PDE4D: variants seen among roughly 807,000 people sequenced by gnomAD.
The protein encoded by PDE4D is phosphodiesterase 4D, also known as 3',5'-cyclic-AMP phosphodiesterase 4D.
Under a neutral mutation model 87.4 loss-of-function variants are expected in PDE4D, and 24 were observed. The ratio of observed to expected loss-of-function variants is 0.27; its 90% confidence interval spans 0.20 to 0.39. PDE4D has a LOEUF of 0.39. PDE4D is among the 10% of genes least tolerant of loss of function. The probability of loss-of-function intolerance (pLI) is 1.00; values close to 1 mark genes in which losing one functional copy is unlikely to be tolerated. For synonymous variants in PDE4D, 384 were observed against 383.2 expected, an observed-to-expected ratio of 1.00 and a Z score of -0.02; for missense variants, 714 against 1,041.0, an observed-to-expected ratio of 0.69 and a Z score of 4.32.
chr5:58,987,933 A>G (rs1474826525), intron 11 of PDE4D, among the ~76,000 whole-genome samples: 1 of 151,940 alleles, frequency 6.6e-6, no homozygotes, highest in African/African-American at 2.4e-5. Context: ...AACAGTCTCT[A>G]CTATTCCTTA....
At chr5:59,521,758 G>A (rs1291472297) in intron 1 of PDE4D, among the ~76,000 whole-genome samples, 1 of 152,060 alleles carries the variant, frequency 6.6e-6, no homozygotes, top group Non-Finnish European at 1.5e-5. Context: ...TTAAGTTTAT[G>A]TCCTCTTCTT....
intron 1 of PDE4D, among the ~76,000 whole-genome samples, chr5:60,202,416 C>G (rs1326313510): frequency 6.6e-6 from 1 of 152,124 alleles, no homozygotes; most frequent in Admixed American, 6.5e-5. Flanking sequence ...ATCTGCCTGC[C>G]TTGGCCTCCC....
At chr5:59,587,586 C>G in intron 1 of PDE4D, 1 of 985,422 alleles carries the variant, frequency 1.0e-6, no homozygotes. Flanking sequence ...CTGATCAGCT[C>G]AGGACACTTG....
chr5:59,718,924 T>C (rs1185171163), intron 1 of PDE4D, among the ~76,000 whole-genome samples: 1 of 151,930 alleles, frequency 6.6e-6, no homozygotes, highest in Non-Finnish European at 1.5e-5. Flanking sequence ...AGTTCTCAGA[T>C]CCTTTTGAAA....
intron 1 of PDE4D, among the ~76,000 whole-genome samples, chr5:59,562,047 C>G (rs1416492444): frequency 6.6e-6 from 1 of 152,146 alleles, no homozygotes; most frequent in Non-Finnish European, 1.5e-5. Context: ...TACTGCCTTC[C>G]TCCTGATACC....
intron 2 of PDE4D, among the ~76,000 whole-genome samples, chr5:60,180,348 C>A (rs2149498005): frequency 6.6e-6 from 1 of 152,196 alleles, no homozygotes; most frequent in South Asian, 2.1e-4. Flanking sequence ...GTTTCTGCAA[C>A]AATGAGCATA....
At chr5:59,879,385 C>A (rs1749111905) in intron 1 of PDE4D, among the ~76,000 whole-genome samples, 1 of 152,182 alleles carries the variant, frequency 6.6e-6, no homozygotes, top group South Asian at 2.1e-4. Flanking sequence ...TTGAACTACT[C>A]TCTTAGGCTA....
At chr5:59,338,752 G>A (rs1458789341) in intron 1 of PDE4D, among the ~76,000 whole-genome samples, 2 of 152,158 alleles carry the variant, frequency 1.3e-5, no homozygotes, top group Non-Finnish European at 2.9e-5. Context: ...TGGCAGAAAT[G>A]TCTAATTTGA....
At chr5:59,112,803 CT>C (rs70973195) in intron 5 of PDE4D, among the ~76,000 whole-genome samples, 72,983 of 126,870 alleles carry the variant, frequency 0.58, 19,998 homozygotes, top group African/African-American at 0.62. Context: ...CTTTTTCTTT[CT>C]TTTTTTTTTT....
At chr5:59,485,968 GA>G (rs1805072067) in intron 1 of PDE4D, among the ~76,000 whole-genome samples, 1 of 152,042 alleles carries the variant, frequency 6.6e-6, no homozygotes, top group African/African-American at 2.4e-5. Context: ...GAAATATTGG[GA>G]AAAGGGTTTA....
At chr5:59,759,291 GT>G (rs1761678632) in intron 1 of PDE4D, among the ~76,000 whole-genome samples, 1 of 152,010 alleles carries the variant, frequency 6.6e-6, no homozygotes, top group Non-Finnish European at 1.5e-5. Flanking sequence ...TAAGATTCAA[GT>G]TTTTATTTTC....
At chr5:60,093,141 C>A (rs1775311903) in intron 2 of PDE4D, among the ~76,000 whole-genome samples, 1 of 152,124 alleles carries the variant, frequency 6.6e-6, no homozygotes, top group African/African-American at 2.4e-5. Flanking sequence ...TCTGAAGAAG[C>A]CTTGAAGTGA....
intron 1 of PDE4D, among the ~76,000 whole-genome samples, chr5:60,207,555 A>G (rs1742693939): frequency 6.6e-6 from 1 of 152,232 alleles, no homozygotes; most frequent in Non-Finnish European, 1.5e-5. Context: ...TGAAACCTTG[A>G]GTAATTAAAA....
intron 1 of PDE4D, among the ~76,000 whole-genome samples, chr5:59,473,594 G>T (rs962214864): frequency 6.6e-6 from 1 of 152,024 alleles, no homozygotes; most frequent in Non-Finnish European, 1.5e-5. Context: ...ATGCCTTATA[G>T]TGTCTCTACT....
chr5:59,702,087 A>G (rs1752656047), intron 1 of PDE4D, among the ~76,000 whole-genome samples: 1 of 152,184 alleles, frequency 6.6e-6, no homozygotes, highest in Non-Finnish European at 1.5e-5. Flanking sequence ...CATCACCTGG[A>G]AACAATTTTT....
At chr5:59,240,779 A>C (rs1277968274) in intron 1 of PDE4D, among the ~76,000 whole-genome samples, 2 of 78,056 alleles carry the variant, frequency 2.6e-5, no homozygotes, top group African/African-American at 1.1e-4. Context: ...AAAATTCACA[A>C]ACACACACAC....
chr5:60,438,158 C>T (rs561188705), intron 1 of PDE4D, among the ~76,000 whole-genome samples: 55 of 152,212 alleles, frequency 3.6e-4, no homozygotes, highest in African/African-American at 1.3e-3. Flanking sequence ...CATTTTAATG[C>T]AATTATTACG....
chr5:60,343,780 A>G lies in PDE4D; in HGVS notation c.-90+144162T>C, dbSNP rs148230092. Reference sequence around the variant, plus strand: ...CCTCCTCCAGTTACACCATAATTCCAGTGACCTCAGTCTGTGGACCCAGTA... The same window carrying G: ...CCTCCTCCAGTTACACCATAATTCCGGTGACCTCAGTCTGTGGACCCAGTA... On this transcript the variant is annotated intron_variant, in intron 1 of 16. Transcript: ENST00000502484. Among the ~76,000 whole-genome samples, 974 of 152,162 alleles carry G rather than the reference A, an allele frequency of 6.4e-3. 7 individuals carry two copies. The highest frequency in any genetic ancestry group is 0.023 in the African/African-American group (939 of 41,514).
At chr5:59,822,100 G>T (rs17830249) in intron 1 of PDE4D, among the ~76,000 whole-genome samples, 1 of 152,094 alleles carries the variant, frequency 6.6e-6, no homozygotes, top group South Asian at 2.1e-4. Context: ...ACAGGCTACT[G>T]TTTATTTAAT....
Sources: gnomAD v4.1 joint callset for allele counts (sites outside exome capture counted in the v4.1 genomes callset) on GRCh38, gnomAD v4.1.1 for gene constraint, MANE v1.5 for transcripts, NCBI Gene and HGNC (gene_info 2026-07-23, HGNC 2026-07-21) for gene names.